The following CCSER1 variants were observed in gnomAD, a reference collection of about 807,000 sequenced individuals.
CCSER1 encodes the protein coiled-coil serine rich protein 1.
Under a neutral mutation model 82.0 loss-of-function variants are expected in CCSER1, and 41 were observed. That is an observed-to-expected ratio of 0.50 (90% CI 0.39 to 0.65). CCSER1 has a LOEUF of 0.65. Among genes scored for constraint, CCSER1 ranks in the 30% least tolerant of loss-of-function variants. CCSER1 has a pLI of 0.00. For synonymous variants in CCSER1, 414 were observed against 383.9 expected, an observed-to-expected ratio of 1.08 and a Z score of -0.92; for missense variants, 1,119 against 1,064.2, an observed-to-expected ratio of 1.05 and a Z score of -0.72.
At chr4:91,356,074 G>A (rs112626354) in intron 10 of CCSER1, among the ~76,000 whole-genome samples, 2,661 of 152,330 alleles carry the variant, frequency 0.017, 65 homozygotes, top group African/African-American at 0.06. Flanking sequence ...CCAAGAGTTA[G>A]CTTATCTGTT....
intron 3 of CCSER1, among the ~76,000 whole-genome samples, chr4:90,391,467 T>C (rs1165716278): frequency 3.3e-5 from 3 of 89,860 alleles, no homozygotes; most frequent in Non-Finnish European, 4.0e-5. Context: ...TATATATATA[T>C]ATATATATAT....
At chr4:90,480,570 G>T (rs146949481) in intron 5 of CCSER1, among the ~76,000 whole-genome samples, 2,351 of 152,206 alleles carry the variant, frequency 0.015, 39 homozygotes, top group African/African-American at 0.045. Context: ...TGTAAGGAAG[G>T]CATCCACTTT....
intron 8 of CCSER1, among the ~76,000 whole-genome samples, chr4:90,843,471 T>A (rs931329348): frequency 2.0e-5 from 3 of 152,358 alleles, no homozygotes; most frequent in Non-Finnish European, 2.9e-5. Context: ...ATCATTTTGC[T>A]CTTAATGCTT....
intron 9 of CCSER1, among the ~76,000 whole-genome samples, chr4:90,933,962 C>A (rs1156424493): frequency 6.6e-6 from 1 of 151,614 alleles, no homozygotes; most frequent in Non-Finnish European, 1.5e-5. Flanking sequence ...GGCACATATC[C>A]TTTAGAAGAG....
At chr4:90,804,082 G>T (rs1757187961) in intron 7 of CCSER1, among the ~76,000 whole-genome samples, 1 of 152,124 alleles carries the variant, frequency 6.6e-6, no homozygotes, top group South Asian at 2.1e-4. Flanking sequence ...TTGTAAATTT[G>T]TTTAAGTTTT....
intron 7 of CCSER1, among the ~76,000 whole-genome samples, chr4:90,806,547 A>G (rs1757538050): frequency 6.6e-6 from 1 of 152,182 alleles, no homozygotes; most frequent in Admixed American, 6.5e-5. Flanking sequence ...CATCTCAATA[A>G]AGGACTCACT....
At chr4:90,522,912 C>T (rs1158041294) in intron 5 of CCSER1, among the ~76,000 whole-genome samples, 1 of 152,020 alleles carries the variant, frequency 6.6e-6, no homozygotes, top group African/African-American at 2.4e-5. Context: ...TAAATTAAGT[C>T]TCTTAGAGTG....
At chr4:91,390,125 G>T (rs1751556970) in intron 10 of CCSER1, among the ~76,000 whole-genome samples, 1 of 151,926 alleles carries the variant, frequency 6.6e-6, no homozygotes. Flanking sequence ...AGAAAATTTT[G>T]AGTTTCTAAC....
chr4:91,510,300 T>C (rs767285134), intron 10 of CCSER1, among the ~76,000 whole-genome samples: 7 of 152,214 alleles, frequency 4.6e-5, no homozygotes, highest in Non-Finnish European at 7.3e-5. Context: ...TTGTGAATAG[T>C]GTTGTCATAA....
At chr4:90,372,760 TA>T (rs36097232) in intron 3 of CCSER1, among the ~76,000 whole-genome samples, 7,296 of 144,826 alleles carry the variant, frequency 0.05, 266 homozygotes, top group East Asian at 0.19. Context: ...AAAAAACGTA[TA>T]AAAAAAAAAG....
intron 10 of CCSER1, among the ~76,000 whole-genome samples, chr4:91,293,177 C>T (rs1743888097): frequency 6.6e-6 from 1 of 151,936 alleles, no homozygotes. Context: ...CAGGAACATT[C>T]CTTAGAGTTC....
At chr4:91,151,417 C>A (rs1248477545) in intron 10 of CCSER1, among the ~76,000 whole-genome samples, 1 of 152,024 alleles carries the variant, frequency 6.6e-6, no homozygotes, top group South Asian at 2.1e-4. Context: ...TTTCAAAAAA[C>A]CAGCTCCTGG....
At chr4:91,414,941 G>T (rs1173234423) in intron 10 of CCSER1, among the ~76,000 whole-genome samples, 1 of 152,102 alleles carries the variant, frequency 6.6e-6, no homozygotes, top group Non-Finnish European at 1.5e-5. Context: ...TAAAGCAAAT[G>T]TTAGTAGAAC....
rs758232222 is a variant in CCSER1 at position 91,386,995 on chromosome 4, G to A, written c.2218-211577G>A. ...CAACCAAATGTAATACATAATCCTC[G>A]ACAGGATCCTGTATAGGAGGAAAAA... On this transcript the variant is annotated intron_variant, in intron 10 of 10. Coordinates refer to ENST00000509176, the MANE Select transcript of CCSER1 (RefSeq NM_001145065.2). Among the ~76,000 whole-genome samples, 24 of 151,886 alleles carry A rather than the reference G, an allele frequency of 1.6e-4. 1 individual carries two copies. The highest frequency in any genetic ancestry group is 5.1e-4 in the African/African-American group (21 of 41,456).
intron 9 of CCSER1, among the ~76,000 whole-genome samples, chr4:91,064,776 C>T (rs1410577279): frequency 6.6e-6 from 1 of 152,198 alleles, no homozygotes; most frequent in African/African-American, 2.4e-5. Context: ...GCAGGCCCTT[C>T]TAAAGAGTAG....
At chr4:91,123,379 C>A (rs972444863) in intron 10 of CCSER1, among the ~76,000 whole-genome samples, 1 of 151,400 alleles carries the variant, frequency 6.6e-6, no homozygotes, top group Non-Finnish European at 1.5e-5. Flanking sequence ...ATTCTAAGTG[C>A]TTTTCAGGGA....
At chr4:90,224,514 G>T (rs1423613753) in intron 1 of CCSER1, among the ~76,000 whole-genome samples, 1 of 152,142 alleles carries the variant, frequency 6.6e-6, no homozygotes, top group African/African-American at 2.4e-5. Flanking sequence ...TTTATCGTTT[G>T]CTATCCCAGT....
At chr4:90,773,192 T>A (rs62313024) in intron 7 of CCSER1, among the ~76,000 whole-genome samples, 88,774 of 152,006 alleles carry the variant, frequency 0.58, 26,213 homozygotes, top group African/African-American at 0.66. Flanking sequence ...GTTAGCCGAG[T>A]TCACGCCTTT....
At chr4:90,597,460 A>G (rs1465654560) in intron 5 of CCSER1, among the ~76,000 whole-genome samples, 1 of 152,042 alleles carries the variant, frequency 6.6e-6, no homozygotes, top group Non-Finnish European at 1.5e-5. Context: ...TTAAGTTTTG[A>G]CATATAGACC....
Sources: gnomAD v4.1 joint callset for allele counts (sites outside exome capture counted in the v4.1 genomes callset) on GRCh38, gnomAD v4.1.1 for gene constraint, MANE v1.5 for transcripts, NCBI Gene and HGNC (gene_info 2026-07-23, HGNC 2026-07-21) for gene names.